Variants in CAMTA1 observed in about 807,000 individuals in gnomAD.
CAMTA1 encodes calmodulin-binding transcription activator 1.
A neutral mutation model predicts 170.9 loss-of-function variants in CAMTA1; 27 were observed. The ratio of observed to expected loss-of-function variants is 0.16; its 90% confidence interval spans 0.12 to 0.22. CAMTA1 has a LOEUF of 0.22. Among genes scored for constraint, CAMTA1 ranks in the 10% least tolerant of loss-of-function variants. CAMTA1 has a pLI of 1.00. For missense variants in CAMTA1, 1,619 were observed against 2,217.2 expected, an observed-to-expected ratio of 0.73 and a Z score of 5.42; for synonymous variants, 833 against 891.5, an observed-to-expected ratio of 0.93 and a Z score of 1.17.
At chr1:7,752,747 C>G (rs781286919) in intron 21 of CAMTA1, among the ~76,000 whole-genome samples, 2 of 152,190 alleles carry the variant, frequency 1.3e-5, no homozygotes, top group Non-Finnish European at 2.9e-5. Context: ...GCTGTTTGAA[C>G]AATGGAGATT....
chr1:7,109,185 C>T (rs1046774014), intron 4 of CAMTA1, among the ~76,000 whole-genome samples: 6 of 152,190 alleles, frequency 3.9e-5, no homozygotes, highest in African/African-American at 1.4e-4. Context: ...ATTTTGCTGC[C>T]ATCTGTTTCT....
Position 7,064,194 on chromosome 1 carries a change from T to C in CAMTA1, c.235-27110T>C, listed in dbSNP as rs1156580726. ...CCTTCTTCTTCTCCTCCTCCTCCTC[T>C]TCTTTCTCCCCTTTCCTCCTGCTCC... is the stretch of plus-strand genomic sequence containing the variant. On this transcript the variant is annotated intron_variant, in intron 3 of 22. Coordinates refer to ENST00000303635, the MANE Select transcript of CAMTA1 (RefSeq NM_015215.4). This position sits in a 1 kb window ranked among gnomAD's most constrained non-coding sequence, Gnocchi z 5.4. Among the ~76,000 whole-genome samples, 1 of 151,400 alleles carries C rather than the reference T, an allele frequency of 6.6e-6. No individual in the cohort carries two copies. The highest frequency in any genetic ancestry group is 1.5e-5 in the Non-Finnish European group (1 of 67,826).
At chr1:7,030,679 T>G (rs1702658385) in intron 3 of CAMTA1, among the ~76,000 whole-genome samples, 1 of 152,196 alleles carries the variant, frequency 6.6e-6, no homozygotes, top group Non-Finnish European at 1.5e-5. Flanking sequence ...TTCATTTAAT[T>G]CTTTTAAATT....
intron 5 of CAMTA1, chr1:7,369,966 C>T (rs2086314141): frequency 1.3e-5 from 2 of 152,280 alleles, no homozygotes; most frequent in Admixed American, 1.3e-4. Context: ...CTGATAGACT[C>T]TTCTCACCCC....
intron 6 of CAMTA1, among the ~76,000 whole-genome samples, chr1:7,551,706 G>A (rs558085659): frequency 2.6e-5 from 4 of 152,176 alleles, no homozygotes; most frequent in Non-Finnish European, 5.9e-5. Context: ...CTCAGAGCCT[G>A]TCCCTGGTGT....
intron 6 of CAMTA1, among the ~76,000 whole-genome samples, chr1:7,554,267 C>T (rs925461245): frequency 6.6e-5 from 10 of 152,190 alleles, no homozygotes; most frequent in Admixed American, 6.5e-4. Context: ...GGTCATCTTC[C>T]TCCATTTCTC....
At chr1:6,946,506 G>C (rs1168010679) in intron 3 of CAMTA1, among the ~76,000 whole-genome samples, 1 of 152,066 alleles carries the variant, frequency 6.6e-6, no homozygotes. Context: ...CTTTCTTTTT[G>C]ATTATAGCCA....
rs989530120 is a variant in CAMTA1 at position 7,455,544 on chromosome 1, C to T, written c.439-12286C>T. On this transcript the variant is annotated intron_variant, in intron 5 of 22. Transcript: ENST00000303635. The surrounding 1 kb of genome is among the most constrained non-coding windows in gnomAD (Gnocchi z 5.0). ...CCACAGACCGGCCCGGCGTTTCCCT[C>T]CACCTGCTTCATAAGCAAAACCCTG... is the stretch of plus-strand genomic sequence containing the variant. 6.6e-6 allele frequency among the ~76,000 whole-genome samples: 1 copy of T among 152,226 alleles called. No individual in the cohort carries two copies. Among genetic ancestry groups the T allele is most frequent in the African/African-American group, 2.4e-5 (1 of 41,456 alleles).
chr1:7,680,654 G>A lies in CAMTA1; in HGVS notation c.2914+2921G>A, dbSNP rs1050429960. On this transcript the variant is annotated intron_variant, in intron 11 of 22. Coordinates refer to ENST00000303635, the MANE Select transcript of CAMTA1 (RefSeq NM_015215.4). The surrounding 1 kb of genome is among the most constrained non-coding windows in gnomAD (Gnocchi z 4.4). The stretch of plus-strand genomic sequence containing the variant: ...GGGGACCACAGGCCTTCGGTGGGCG[G>A]CGAGCCCTGGCTCCCTCGTTCGGTG... 4.6e-5 allele frequency among the ~76,000 whole-genome samples: 7 copies of A among 151,980 alleles called. No homozygotes were observed. The highest frequency in any genetic ancestry group is 8.8e-5 in the Non-Finnish European group (6 of 67,936).
intron 5 of CAMTA1, among the ~76,000 whole-genome samples, chr1:7,363,751 G>A (rs563248499): frequency 5.7e-4 from 87 of 152,296 alleles, no homozygotes; most frequent in Non-Finnish European, 1.1e-3. Flanking sequence ...CCCCAGCAAG[G>A]ACTCTCCATG....
chr1:7,162,034 A>G (rs893014004), intron 4 of CAMTA1, among the ~76,000 whole-genome samples: 3 of 152,200 alleles, frequency 2.0e-5, no homozygotes, highest in Non-Finnish European at 2.9e-5. Flanking sequence ...CTAGCCCTGC[A>G]AAGATTAGAG....
chr1:7,357,115 G>C (rs1264453679), intron 5 of CAMTA1, among the ~76,000 whole-genome samples: 1 of 152,240 alleles, frequency 6.6e-6, no homozygotes, highest in Non-Finnish European at 1.5e-5. Context: ...TGCTCTGGTG[G>C]ATTTCTCGGC....
chr1:7,530,782 A>G (rs2094482200), intron 6 of CAMTA1, among the ~76,000 whole-genome samples: 1 of 143,114 alleles, frequency 7.0e-6, no homozygotes, highest in South Asian at 2.3e-4. Flanking sequence ...TTTTTAATTT[A>G]CTAAAGTATG....
At chr1:6,798,566 C>CA (rs530153773) in intron 1 of CAMTA1, among the ~76,000 whole-genome samples, 8 of 150,562 alleles carry the variant, frequency 5.3e-5, no homozygotes, top group African/African-American at 2.0e-4. Context: ...CACAGGCGCC[C>CA]ACCACCACAC....
At chr1:7,327,125 A>T (rs2082730240) in intron 5 of CAMTA1, among the ~76,000 whole-genome samples, 1 of 152,072 alleles carries the variant, frequency 6.6e-6, no homozygotes, top group African/African-American at 2.4e-5. Flanking sequence ...TTTAAAAGAG[A>T]CCAGGAGGAG....
At position 7,208,396 on chromosome 1, in the gene CAMTA1, C is replaced by T. The variant is rs564351556; in HGVS notation, c.303-41095C>T. 9.8e-5 allele frequency among the ~76,000 whole-genome samples: 15 copies of T among 152,326 alleles called. No individual in the cohort carries two copies. In the South Asian group the frequency reaches 2.9e-3, roughly 29 times the overall value. On this transcript the variant is annotated intron_variant, in intron 4 of 22. Transcript: ENST00000303635. Reference sequence around the variant, plus strand: ...CACAAAGAGCCTCTTTCTCCCTTTACCCTATTGAGTATTGGGTACCTTATT... The same window carrying T: ...CACAAAGAGCCTCTTTCTCCCTTTATCCTATTGAGTATTGGGTACCTTATT...
At chr1:7,102,069 CAG>C (rs1300108410) in intron 4 of CAMTA1, among the ~76,000 whole-genome samples, 6 of 142,534 alleles carry the variant, frequency 4.2e-5, no homozygotes, top group East Asian at 2.1e-4. Context: ...CACACACACA[CAG>C]CTTCCTGTAT....
rs542775544 is a variant in CAMTA1, at chr1:6,994,413, T to C, written c.235-96891T>C. 5.8e-4 allele frequency among the ~76,000 whole-genome samples: 89 copies of C among 152,220 alleles called. 1 individual carries two copies. Among genetic ancestry groups the C allele is most frequent in the Non-Finnish European group, 1.2e-3 (81 of 68,038 alleles). On this transcript the variant is annotated intron_variant, in intron 3 of 22. Coordinates refer to ENST00000303635, the MANE Select transcript of CAMTA1 (RefSeq NM_015215.4). ...TTCTTAACATGTCTTCATTTTGCCT[T>C]ACTTAATGGTGGATTTTTCACTGGG...
rs1156728418 is a variant in CAMTA1, at chr1:7,224,287, C to A, written c.303-25204C>A. Among the ~76,000 whole-genome samples, 2 of 152,112 alleles carry A rather than the reference C, an allele frequency of 1.3e-5. No homozygotes were observed. Among genetic ancestry groups the A allele is most frequent in the African/African-American group, 4.8e-5 (2 of 41,422 alleles). ...AATCGCTGCTCAAGGTCAGGCTGTG[C>A]CCAGTGGCCGAGGCGCTTGGTGAGC... is the stretch of plus-strand genomic sequence containing the variant. On this transcript the variant is annotated intron_variant, in intron 4 of 22. Transcript: ENST00000303635. The surrounding 1 kb of genome is among the most constrained non-coding windows in gnomAD (Gnocchi z 5.2).
Sources: gnomAD v4.1 joint callset for allele counts (sites outside exome capture counted in the v4.1 genomes callset) on GRCh38, gnomAD v4.1.1 for gene constraint, Gnocchi (gnomAD v3.1) non-coding constraint, MANE v1.5 for transcripts, NCBI Gene and HGNC (gene_info 2026-07-23, HGNC 2026-07-21) for gene names.